The following DHRSX variants were observed in gnomAD, a reference collection of about 807,000 sequenced individuals.
DHRSX encodes polyprenol dehydrogenase.
A neutral mutation model predicts 34.0 loss-of-function variants in DHRSX; 31 were observed. The observed-to-expected ratio is 0.91, with a 90% confidence interval of 0.69 to 1.23. The LOEUF (loss-of-function observed/expected upper bound fraction) is 1.23, where lower values mean the gene tolerates loss of function less well. Ranked by LOEUF, DHRSX falls within the 50% of genes most tolerant of loss-of-function variation. DHRSX has a pLI of 0.00. For missense variants in DHRSX, 414 were observed against 428.1 expected, an observed-to-expected ratio of 0.97 and a Z score of 0.29; for synonymous variants, 201 against 183.8, an observed-to-expected ratio of 1.09 and a Z score of -0.76.
chrX:2,406,120 C>A (rs191913966), intron 3 of DHRSX, among the ~76,000 whole-genome samples: 21 of 151,906 alleles, frequency 1.4e-4, no homozygotes, highest in African/African-American at 4.8e-4. Context: ...GGCGAAACCC[C>A]GTCTCTATTA....
chrX:2,444,027 A>AG lies in DHRSX; in HGVS notation c.110-18724dup, dbSNP rs1183533507. On this transcript the variant is annotated intron_variant, in intron 1 of 6. Coordinates refer to ENST00000334651, the MANE Select transcript of DHRSX (RefSeq NM_145177.3). Reference sequence around the variant, plus strand: ...CTCAAAAAGAAAAAAAAAAAAAAAAAGGGCCAATGACCATGGCCAATTCCA... The same window carrying AG: ...CTCAAAAAGAAAAAAAAAAAAAAAAAGGGGCCAATGACCATGGCCAATTCCA... Among the ~76,000 whole-genome samples, 238 of 151,034 alleles carry AG rather than the reference A, an allele frequency of 1.6e-3. 1 individual carries two copies. The highest frequency in any genetic ancestry group is 2.6e-3 in the Admixed American group (39 of 15,168).
intron 3 of DHRSX, among the ~76,000 whole-genome samples, chrX:2,300,956 C>T (rs1267554836): frequency 6.6e-6 from 1 of 152,140 alleles, no homozygotes; most frequent in East Asian, 1.9e-4. Flanking sequence ...ATGTTGATTT[C>T]AAAAACTGCC....
At chrX:2,355,511 T>TAAAAAAAAA (rs767512287) in intron 3 of DHRSX, among the ~76,000 whole-genome samples, 15 of 75,298 alleles carry the variant, frequency 2.0e-4, no homozygotes, top group African/African-American at 4.5e-4. Context: ...AGACCCCATC[T>TAAAAAAAAA]AAAAAAAAAA....
At chrX:2,382,092 C>T (rs1309976715) in intron 3 of DHRSX, among the ~76,000 whole-genome samples, 1 of 152,178 alleles carries the variant, frequency 6.6e-6, no homozygotes, top group Non-Finnish European at 1.5e-5. Context: ...CCTGCCTAGA[C>T]TCATCTGGCT....
At chrX:2,250,138 G>C (rs1279254456) in intron 5 of DHRSX, among the ~76,000 whole-genome samples, 1 of 145,792 alleles carries the variant, frequency 6.9e-6, no homozygotes, top group African/African-American at 2.5e-5. Context: ...CTCCAGCCTG[G>C]GCAACAGAGT....
intron 1 of DHRSX, among the ~76,000 whole-genome samples, chrX:2,428,352 A>C (rs1268098116): frequency 6.6e-6 from 1 of 152,240 alleles, no homozygotes; most frequent in African/African-American, 2.4e-5. Context: ...TCACAATAGT[A>C]AAGACTTGGA....
intron 3 of DHRSX, among the ~76,000 whole-genome samples, chrX:2,372,781 TG>T (rs1454561385): frequency 6.6e-6 from 1 of 151,986 alleles, no homozygotes; most frequent in Non-Finnish European, 1.5e-5. Flanking sequence ...GCTAATTTTT[TG>T]TATTTTTAGT....
At chrX:2,395,476 T>A (rs764872014) in intron 3 of DHRSX, among the ~76,000 whole-genome samples, 2 of 152,232 alleles carry the variant, frequency 1.3e-5, no homozygotes, top group East Asian at 3.9e-4. Context: ...CCTCCCTTTT[T>A]CCCATAGAGA....
At chrX:2,444,091 C>G (rs1189566835) in intron 1 of DHRSX, among the ~76,000 whole-genome samples, 1 of 151,514 alleles carries the variant, frequency 6.6e-6, no homozygotes, top group African/African-American at 2.4e-5. Context: ...GGGGAAATAA[C>G]CTACCATCAC....
At chrX:2,324,918 A>C in intron 3 of DHRSX, among the ~76,000 whole-genome samples, 4 of 144,342 alleles carry the variant, frequency 2.8e-5, no homozygotes, top group South Asian at 2.2e-4. Flanking sequence ...ATAGGTACGC[A>C]CCACCAAGCC....
intron 6 of DHRSX, among the ~76,000 whole-genome samples, chrX:2,222,412 CA>C (rs1488289596): frequency 1.3e-5 from 2 of 152,182 alleles, no homozygotes; most frequent in Non-Finnish European, 2.9e-5. Flanking sequence ...TAGGAAACAG[CA>C]AATATCACCT....
chrX:2,272,964 A>G (rs1349802449), intron 4 of DHRSX, among the ~76,000 whole-genome samples: 2 of 152,322 alleles, frequency 1.3e-5, no homozygotes, highest in East Asian at 3.9e-4. Flanking sequence ...AAGGAAAAGA[A>G]GTCCTTATAT....
intron 3 of DHRSX, among the ~76,000 whole-genome samples, chrX:2,297,154 G>A (rs1237732226): frequency 1.3e-5 from 2 of 152,184 alleles, no homozygotes; most frequent in African/African-American, 4.8e-5. Flanking sequence ...ACAGGGTCTC[G>A]TTCTGTCACC....
intron 3 of DHRSX, among the ~76,000 whole-genome samples, chrX:2,355,511 TA>T (rs767512287): frequency 3.1e-4 from 23 of 75,292 alleles, no homozygotes; most frequent in East Asian, 9.1e-4. Flanking sequence ...AGACCCCATC[TA>T]AAAAAAAAAA....
intron 3 of DHRSX, among the ~76,000 whole-genome samples, chrX:2,319,640 T>C (rs879221305): frequency 6.6e-6 from 1 of 152,082 alleles, no homozygotes; most frequent in Non-Finnish European, 1.5e-5. Flanking sequence ...TAGCATTTTT[T>C]TTCTAGCTGA....
rs115054172 is a variant in DHRSX at position 2,426,507 on chromosome X, C to G, written c.110-1203G>C. 1.5e-3 allele frequency among the ~76,000 whole-genome samples: 206 copies of G among 136,590 alleles called. 1 individual carries two copies. Among genetic ancestry groups the G allele is most frequent in the African/African-American group, 5.6e-3 (203 of 36,524 alleles). 89.6% of individuals were successfully genotyped at this position (136,590 alleles called of 152,430 possible). Reference sequence around the variant, plus strand: ...CCCTCCCTCTTTCCTTTCTTCATTCCTTCCTTCCCTCCCTTTTTCCTTCCT... The same window carrying G: ...CCCTCCCTCTTTCCTTTCTTCATTCGTTCCTTCCCTCCCTTTTTCCTTCCT... On this transcript the variant is annotated intron_variant, in intron 1 of 6. Transcript: ENST00000334651.
intron 3 of DHRSX, among the ~76,000 whole-genome samples, chrX:2,291,894 G>GTTTT (rs1162716010): frequency 4.2e-5 from 4 of 95,320 alleles, no homozygotes; most frequent in Admixed American, 1.1e-4. Flanking sequence ...TTGTATTTTT[G>GTTTT]TATTTTTTTT....
In DHRSX at chrX:2,469,947, C is replaced by T. The variant is rs770534830; in HGVS notation, c.109+30870G>A. 2.0e-5 allele frequency among the ~76,000 whole-genome samples: 3 copies of T among 152,228 alleles called. No individual in the cohort carries two copies. In the South Asian group the frequency reaches 6.2e-4, roughly 32 times the overall value. ...AATCAGCCCATCAATGGGATACCTG[C>T]ATCCCCTGTGCCCTGCAGCACTACT... On this transcript the variant is annotated intron_variant, in intron 1 of 6. Coordinates refer to ENST00000334651, the MANE Select transcript of DHRSX (RefSeq NM_145177.3).
At chrX:2,406,768 A>C (rs1395412667) in intron 3 of DHRSX, among the ~76,000 whole-genome samples, 2 of 152,164 alleles carry the variant, frequency 1.3e-5, no homozygotes, top group African/African-American at 4.8e-5. Context: ...GTTAATTACA[A>C]GTGTTGGGGA....
Sources: allele counts gnomAD v4.1 joint callset (sites outside exome capture counted in the v4.1 genomes callset), GRCh38; gene constraint gnomAD v4.1.1; transcripts MANE v1.5; gene names NCBI Gene and HGNC (gene_info 2026-07-23, HGNC 2026-07-21).